ANO10: variants seen among roughly 807,000 people sequenced by gnomAD.
The protein encoded by ANO10 is anoctamin 10.
ANO10 carries 77 observed loss-of-function variants against 74.7 expected under a neutral mutation model. The ratio of observed to expected loss-of-function variants is 1.03; its 90% confidence interval spans 0.86 to 1.25. The LOEUF is 1.25. ANO10 is among the 50% of genes most tolerant of loss of function. The pLI is 0.00. For missense variants in ANO10, 721 were observed against 778.1 expected (o/e 0.93, Z 0.87); for synonymous variants, 279 against 284.9 (o/e 0.98, Z 0.21).
At chr3:43,686,318 C>T (rs1472129228) in intron 1 of ANO10, among the ~76,000 whole-genome samples, 2 of 152,144 alleles carry the variant, frequency 1.3e-5, no homozygotes, top group Non-Finnish European at 2.9e-5. Flanking sequence ...CAGGGTCTCA[C>T]TCTGTCATCC....
chr3:43,384,498 T>C (rs369798129), intron 12 of ANO10, among the ~76,000 whole-genome samples: 1 of 152,162 alleles, frequency 6.6e-6, no homozygotes, highest in Non-Finnish European at 1.5e-5. Flanking sequence ...AGAACAAATC[T>C]TGAGGCATAC....
At chr3:43,419,313 C>T (rs958330582) in intron 12 of ANO10, among the ~76,000 whole-genome samples, 1 of 152,180 alleles carries the variant, frequency 6.6e-6, no homozygotes. Flanking sequence ...TCCACAAGGG[C>T]ATAAATACTA....
At chr3:43,655,463 C>A (rs1401143397) in intron 1 of ANO10, among the ~76,000 whole-genome samples, 1 of 152,200 alleles carries the variant, frequency 6.6e-6, no homozygotes, top group African/African-American at 2.4e-5. Flanking sequence ...AGCGAAAGAA[C>A]AAAGCTTCTA....
At chr3:43,462,075 C>T (rs1463769176) in intron 11 of ANO10, among the ~76,000 whole-genome samples, 1 of 152,142 alleles carries the variant, frequency 6.6e-6, no homozygotes, top group African/African-American at 2.4e-5. Flanking sequence ...TCTTGTTAGG[C>T]TTTAGCAAAG....
At chr3:43,488,185 C>T (rs1306429880) in intron 11 of ANO10, among the ~76,000 whole-genome samples, 1 of 149,994 alleles carries the variant, frequency 6.7e-6, no homozygotes, top group Non-Finnish European at 1.5e-5. Context: ...GGATTAAAGA[C>T]TCAAACGTTA....
chr3:43,469,038 CTTTTTT>C (rs371985258), intron 11 of ANO10, among the ~76,000 whole-genome samples: 7 of 70,366 alleles, frequency 9.9e-5, no homozygotes, highest in South Asian at 1.3e-3. Flanking sequence ...CAATTAGCTG[CTTTTTT>C]TTTTTTTTTT....
chr3:43,406,787 T>C (rs939132158), intron 12 of ANO10, among the ~76,000 whole-genome samples: 1 of 152,200 alleles, frequency 6.6e-6, no homozygotes, highest in Non-Finnish European at 1.5e-5. Context: ...CTCTCCATCT[T>C]TGGAAATGGG....
At chr3:43,555,491 C>A (rs965235873) in intron 9 of ANO10, 22 bp from the exon 10 acceptor site, 1 of 1,607,264 alleles carries the variant, frequency 6.2e-7, no homozygotes, top group South Asian at 1.1e-5. Flanking sequence ...AACAAGCATG[C>A]ATTATTTTAA....
rs181641842 is a variant in ANO10, at chr3:43,535,369, G to A, written c.1797+14351C>T. Among the ~76,000 whole-genome samples, 705 of 149,826 alleles carry A rather than the reference G, an allele frequency of 4.7e-3. 5 individuals carry two copies. The highest frequency in any genetic ancestry group is 0.017 in the African/African-American group (679 of 40,766). On this transcript the variant is annotated intron_variant, in intron 11 of 12. Coordinates refer to ENST00000292246, the MANE Select transcript of ANO10 (RefSeq NM_018075.5). Reference sequence around the variant, plus strand: ...TGGCTCACTGAAACCTCTGCCTCCAGGGTTCAAGCGATTCTCCTGCCTCAC... The same window carrying A: ...TGGCTCACTGAAACCTCTGCCTCCAAGGTTCAAGCGATTCTCCTGCCTCAC...
At chr3:43,517,754 T>C (rs1340832960) in intron 11 of ANO10, among the ~76,000 whole-genome samples, 2 of 152,162 alleles carry the variant, frequency 1.3e-5, no homozygotes, top group African/African-American at 2.4e-5. Flanking sequence ...CAAAATGAGC[T>C]TGCATCTCAT....
chr3:43,432,363 A>G (rs2092995879), intron 12 of ANO10, among the ~76,000 whole-genome samples: 1 of 152,196 alleles, frequency 6.6e-6, no homozygotes. Flanking sequence ...CTTTTGCTGA[A>G]TGCTAGCTCT....
chr3:43,592,102 G>A (rs1223764359), intron 4 of ANO10, among the ~76,000 whole-genome samples: 1 of 152,242 alleles, frequency 6.6e-6, no homozygotes, highest in Non-Finnish European at 1.5e-5. Context: ...CAGCCTGGAA[G>A]CTCGAACTGG....
intron 11 of ANO10, among the ~76,000 whole-genome samples, chr3:43,455,251 G>A (rs1215483608): frequency 6.6e-6 from 1 of 152,150 alleles, no homozygotes; most frequent in Non-Finnish European, 1.5e-5. Context: ...TGGAAGGGCA[G>A]GAGAGAGAAT....
rs185829938 is a variant in ANO10, at chr3:43,642,540, G to T, written c.-11-36677C>A. On this transcript the variant is annotated intron_variant, in intron 1 of 3. Coordinates refer to the ANO10 transcript ENST00000413397. ...TGGTCCCAATTGTTTTCCATTTTAG[G>T]ATTTTACTTTTGTCTTTTTTATTTG... Among the ~76,000 whole-genome samples, 276 of 152,070 alleles carry T rather than the reference G, an allele frequency of 1.8e-3. 2 individuals are homozygous for T. Among genetic ancestry groups the T allele is most frequent in the Non-Finnish European group, 1.5e-3 (99 of 67,976 alleles).
chr3:43,494,308 C>A (rs548066265), intron 11 of ANO10, among the ~76,000 whole-genome samples: 70 of 152,144 alleles, frequency 4.6e-4, no homozygotes, highest in Admixed American at 1.5e-3. Context: ...ACAACATTGG[C>A]TGGGCATGGT....
chr3:43,456,743 T>G (rs1445927200), intron 11 of ANO10, among the ~76,000 whole-genome samples: 6 of 152,192 alleles, frequency 3.9e-5, no homozygotes, highest in Non-Finnish European at 5.9e-5. Flanking sequence ...GGGTCACAGA[T>G]GCAGGAATTA....
At chr3:43,437,146 C>G (rs1445828073) in intron 11 of ANO10, among the ~76,000 whole-genome samples, 3 of 152,150 alleles carry the variant, frequency 2.0e-5, no homozygotes, top group Non-Finnish European at 4.4e-5. Context: ...GATGGCAGAC[C>G]AAGCATGTAC....
intron 1 of ANO10, among the ~76,000 whole-genome samples, chr3:43,656,619 G>A (rs1353706875): frequency 6.6e-6 from 1 of 152,246 alleles, no homozygotes; most frequent in Non-Finnish European, 1.5e-5. Context: ...CAGAGCCGGT[G>A]GGCTAGCACT....
chr3:43,651,467 A>G (rs1329176827), intron 1 of ANO10, among the ~76,000 whole-genome samples: 4 of 152,212 alleles, frequency 2.6e-5, no homozygotes, highest in African/African-American at 9.6e-5. Flanking sequence ...GTACATGTGG[A>G]AGAGTTTTTG....
Sources: gnomAD v4.1 joint callset for allele counts (sites outside exome capture counted in the v4.1 genomes callset) on GRCh38, gnomAD v4.1.1 for gene constraint, MANE v1.5 for transcripts, NCBI Gene and HGNC (gene_info 2026-07-23, HGNC 2026-07-21) for gene names.